The following TBC1D31 variants were observed in gnomAD, a reference collection of about 807,000 sequenced individuals.
TBC1D31 encodes TBC1 domain family member 31, also known as WD repeat domain 67.
In TBC1D31, 99 loss-of-function variants were observed where a neutral mutation model predicts 132.9. The ratio of observed to expected loss-of-function variants is 0.74; its 90% CI spans 0.63 to 0.88. TBC1D31 has a LOEUF of 0.88. TBC1D31 is among the 40% of genes least tolerant of loss of function. The pLI is 0.00. For synonymous variants in TBC1D31, 385 were observed against 419.4 expected, an observed-to-expected ratio of 0.92 and a Z score of 1.00; for missense variants, 1,134 against 1,256.6, an observed-to-expected ratio of 0.90 and a Z score of 1.48.
At chr8:123,115,437 T>C (rs1053300117) in intron 10 of TBC1D31, among the ~76,000 whole-genome samples, 4 of 152,230 alleles carry the variant, frequency 2.6e-5, no homozygotes, top group Non-Finnish European at 4.4e-5. Flanking sequence ...TTCTGAGTAT[T>C]GTATCGAATA....
chr8:123,119,238 C>A (rs1461421684), intron 10 of TBC1D31, among the ~76,000 whole-genome samples: 1 of 152,182 alleles, frequency 6.6e-6, no homozygotes. Flanking sequence ...TAATTTGGCA[C>A]TGACTTTCGA....
chr8:123,112,801 A>C (rs1368111349), intron 10 of TBC1D31, among the ~76,000 whole-genome samples: 1 of 152,202 alleles, frequency 6.6e-6, no homozygotes, highest in East Asian at 1.9e-4. Flanking sequence ...AACATCAGAT[A>C]ACTTTGTTAA....
chr8:123,152,540 T>C (rs1822870950), downstream of TBC1D31, among the ~76,000 whole-genome samples: 1 of 152,048 alleles, frequency 6.6e-6, no homozygotes, highest in African/African-American at 2.4e-5. Context: ...CCTTACTCTC[T>C]AAAAGGAGGG....
chr8:123,141,361 T>C (rs1422497660), intron 18 of TBC1D31, among the ~76,000 whole-genome samples: 3 of 140,910 alleles, frequency 2.1e-5, no homozygotes, highest in Non-Finnish European at 4.7e-5. Context: ...TTAACTATTA[T>C]TCAATAAGAT....
chr8:123,096,859 T>C (rs920510211), intron 5 of TBC1D31, among the ~76,000 whole-genome samples: 1 of 152,258 alleles, frequency 6.6e-6, no homozygotes, highest in African/African-American at 2.4e-5. Context: ...GTTTTGTTTT[T>C]TTCATATAGC....
At chr8:123,115,549 A>C (rs1247132131) in intron 10 of TBC1D31, among the ~76,000 whole-genome samples, 1 of 152,182 alleles carries the variant, frequency 6.6e-6, no homozygotes, top group African/African-American at 2.4e-5. Flanking sequence ...AAAACAACAC[A>C]AATTTATCCT....
At chr8:123,084,769 T>C (rs1284034520) in intron 4 of TBC1D31, among the ~76,000 whole-genome samples, 1 of 137,818 alleles carries the variant, frequency 7.3e-6, no homozygotes, top group Non-Finnish European at 1.6e-5. Flanking sequence ...GGTCTATCCA[T>C]CTTTCTTTTT....
At chr8:123,073,168 C>T (rs1330453948) in intron 1 of TBC1D31, 1 of 485,088 alleles carries the variant, frequency 2.1e-6, no homozygotes, top group Non-Finnish European at 3.9e-6. Flanking sequence ...GTGTCCCTGG[C>T]ACGTAGTAGG....
chr8:123,152,969 C>T (rs1022603199), downstream of TBC1D31, among the ~76,000 whole-genome samples: 10 of 152,270 alleles, frequency 6.6e-5, no homozygotes, highest in African/African-American at 2.2e-4. Context: ...TCTGGGGCCA[C>T]GAAGCATAAT....
chr8:123,139,976 C>T (rs1663884308), intron 17 of TBC1D31, among the ~76,000 whole-genome samples: 1 of 152,220 alleles, frequency 6.6e-6, no homozygotes, highest in Admixed American at 6.5e-5. Context: ...CAAACAGTGA[C>T]AGTTCTCCAG....
At chr8:123,123,132 G>A (rs1819654729) in intron 11 of TBC1D31, 1 of 152,256 alleles carries the variant, frequency 6.6e-6, no homozygotes, top group Non-Finnish European at 1.5e-5. Flanking sequence ...AAGAAGCTGA[G>A]AGGCAGAATG....
In TBC1D31 at chr8:123,150,501, T is replaced by C. The variant is rs573360844; in HGVS notation, c.3067+373T>C. On this transcript the variant is annotated intron_variant, in intron 21 of 21. Transcript: ENST00000287380. ...TCTCAGCGTTGTTTTTCAAAGCTAT[T>C]GCATAGTTGAATTTTCTTGACTCTG... Among the ~76,000 whole-genome samples, 5 of 152,354 alleles carry C rather than the reference T, an allele frequency of 3.3e-5. No individual in the cohort carries two copies. In the East Asian group the frequency reaches 7.7e-4, roughly 23 times the overall value.
At chr8:123,152,245 A>T (rs989644340), downstream of TBC1D31, 1 of 193,080 alleles carries the variant, frequency 5.2e-6, no homozygotes, top group African/African-American at 2.3e-5. Context: ...AGAGAAATAA[A>T]GAACAGGAAA....
At chr8:123,150,231 TC>T in intron 21 of TBC1D31, 103 bp downstream of exon 21, 1 of 825,466 alleles carries the variant, frequency 1.2e-6, no homozygotes, top group Non-Finnish European at 2.0e-6. Context: ...GACGCCATTT[TC>T]CCAGGGCACT....
Position 123,093,835 on chromosome 8 carries a change from T to G in TBC1D31, c.671+93T>G, listed in dbSNP as rs181111710. On this transcript the variant is annotated intron_variant, in intron 5 of 21. Coordinates refer to ENST00000287380, the MANE Select transcript of TBC1D31 (RefSeq NM_145647.4). Reference sequence around the variant, plus strand: ...TCATTTAGTTTTTATTCAGTATCTTTTTGTCATATTAGAAAAAGTTACCTT... The same window carrying G: ...TCATTTAGTTTTTATTCAGTATCTTGTTGTCATATTAGAAAAAGTTACCTT... 2.0e-5 allele frequency: 18 copies of G among 916,638 alleles called. No individual in the cohort carries two copies. In the East Asian group the frequency reaches 4.8e-4, roughly 25 times the overall value. The allele number at this position is 916,638 out of a possible 1,614,324, so 56.8% of individuals were successfully genotyped here. A position where few individuals can be genotyped will look rare whatever the true frequency, so the allele number is the denominator to read the frequency against.
At chr8:123,082,069 G>C (rs16897941) in intron 2 of TBC1D31, among the ~76,000 whole-genome samples, 31,397 of 152,092 alleles carry the variant, frequency 0.21, 3,308 homozygotes, top group East Asian at 0.37. Flanking sequence ...GACTCTAGAT[G>C]AGTTTCACAA....
intron 16 of TBC1D31, among the ~76,000 whole-genome samples, chr8:123,132,058 A>G (rs1038993890): frequency 6.6e-6 from 1 of 152,214 alleles, no homozygotes; most frequent in African/African-American, 2.4e-5. Context: ...ACTATTATCC[A>G]AGTCATTTGC....
At chr8:123,081,727 C>G (rs1815174120) in intron 2 of TBC1D31, among the ~76,000 whole-genome samples, 1 of 152,186 alleles carries the variant, frequency 6.6e-6, no homozygotes, top group Non-Finnish European at 1.5e-5. Context: ...AAAGGTACTT[C>G]TTACGTAGTG....
At chr8:123,102,428 G>A (rs1586621489) in intron 7 of TBC1D31, 1 of 352,468 alleles carries the variant, frequency 2.8e-6, no homozygotes, top group East Asian at 7.7e-5. Context: ...TATACAAGTA[G>A]TGTCTTATTG....
Sources: gnomAD v4.1 joint callset for allele counts (sites outside exome capture counted in the v4.1 genomes callset) on GRCh38, gnomAD v4.1.1 for gene constraint, MANE v1.5 for transcripts, NCBI Gene and HGNC (gene_info 2026-07-23, HGNC 2026-07-21) for gene names.